The following NRDC variants were observed in gnomAD, a reference collection of about 807,000 sequenced individuals.
NRDC encodes the protein nardilysin.
In NRDC, 54 loss-of-function variants were observed where a neutral mutation model predicts 147.1. The observed-to-expected ratio is 0.37, with a 90% CI of 0.29 to 0.46. The LOEUF is 0.46. Ranked by LOEUF, NRDC falls within the 20% of genes least tolerant of loss-of-function variation. NRDC has a pLI of 1.00. For missense variants in NRDC, 1,082 were observed against 1,370.6 expected, an observed-to-expected ratio of 0.79 and a Z score of 3.33; for synonymous variants, 440 against 482.1, an observed-to-expected ratio of 0.91 and a Z score of 1.14.
rs374972423 is a variant in NRDC at position 51,841,967 on chromosome 1, G to T, written c.342-1453C>A. On this transcript the variant is annotated intron_variant, in intron 1 of 30. Coordinates refer to ENST00000352171, the MANE Select transcript of NRDC (RefSeq NM_001101662.2). Reference sequence around the variant, plus strand: ...AAATAATCACATTTGGAGCTCAGGAGTTCAAGACCAGCAGGCAACGTAGCG... The same window carrying T: ...AAATAATCACATTTGGAGCTCAGGATTTCAAGACCAGCAGGCAACGTAGCG... Among the ~76,000 whole-genome samples the T allele has an allele frequency of 3.3e-5, 5 of 152,138 alleles. No individual in the cohort carries two copies. The East Asian group carries it at 7.7e-4, about 23-fold the overall frequency.
In NRDC at chr1:51,846,422, A is replaced by G. The variant is rs528255364; in HGVS notation, c.342-5908T>C. Among the ~76,000 whole-genome samples the G allele has an allele frequency of 5.9e-5, 9 of 152,196 alleles. No individual in the cohort carries two copies. In the South Asian group the frequency reaches 6.2e-4, roughly 11 times the overall value. ...AGCCACCGTGCACAGCCGACACTTT[A>G]TAATTCTTAAAACATTTTCACTCTT... On this transcript the variant is annotated intron_variant, in intron 1 of 30. Coordinates refer to ENST00000352171, the MANE Select transcript of NRDC (RefSeq NM_001101662.2).
At chr1:51,816,261 C>A in intron 11 of NRDC, 51 bp downstream of exon 11, 1 of 1,209,968 alleles carries the variant, frequency 8.3e-7, no homozygotes, top group Non-Finnish European at 1.2e-6. Flanking sequence ...TTATTGTCTA[C>A]TATTTTTCAG....
At chr1:51,863,562 A>G (rs1682658709) in intron 1 of NRDC, among the ~76,000 whole-genome samples, 1 of 152,200 alleles carries the variant, frequency 6.6e-6, no homozygotes, top group Non-Finnish European at 1.5e-5. Context: ...CTGTGCTATA[A>G]AAAGTTAAAA....
intron 1 of NRDC, among the ~76,000 whole-genome samples, chr1:51,844,388 A>C (rs1484866804): frequency 2.0e-5 from 3 of 152,104 alleles, no homozygotes; most frequent in Admixed American, 2.0e-4. Context: ...AAAATGAAGA[A>C]ATTTGGAAAC....
chr1:51,798,092 A>T, intron 22 of NRDC, 157 bp downstream of exon 22: 1 of 643,670 alleles, frequency 1.6e-6, no homozygotes, highest in Non-Finnish European at 2.6e-6. Flanking sequence ...TCTTAAGAAG[A>T]AAGCTGCCCA....
rs376918193 is a variant in NRDC at position 51,816,777 on chromosome 1, T to C, written c.1362-388A>G. ...AAGCTTTTGGTACCACATTGGGTTC[T>C]GTGGTAAAATGAAATGTGTTGTTCA... On this transcript the variant is annotated intron_variant, in intron 10 of 30. Transcript: ENST00000352171. 2.4e-3 allele frequency among the ~76,000 whole-genome samples: 373 copies of C among 152,328 alleles called. 16 individuals carry two copies. The South Asian group carries it at 0.074, about 30-fold the overall frequency.
At chr1:51,789,990 C>T (rs1678514691) in intron 29 of NRDC, among the ~76,000 whole-genome samples, 1 of 152,206 alleles carries the variant, frequency 6.6e-6, no homozygotes. Context: ...GGAAATCTAC[C>T]TTGCTTCTAT....
At chr1:51,812,602 T>C (rs1018571819) in intron 14 of NRDC, among the ~76,000 whole-genome samples, 4 of 152,080 alleles carry the variant, frequency 2.6e-5, no homozygotes, top group Non-Finnish European at 5.9e-5. Context: ...CCTTCATGCA[T>C]CACTCTGAGC....
chr1:51,823,685 T>A lies in NRDC; in HGVS notation c.1138A>T (p.Thr380Ser), dbSNP rs748882210. ...TTACCTTTGGATTGAACCACTAAAG[T>A]CATGTAATGAGAAGAGTAGTAACGC... Reference protein sequence around the residue: ...WMRYYSSHYMTLVVQSKETLD... With the variant: ...WMRYYSSHYMSLVVQSKETLD... Residue 380 changes from threonine to serine, a missense_variant, in exon 7 of 31, where the codon ACT becomes TCT. By Grantham distance (58) the Thr-to-Ser change is moderately conservative (BLOSUM62 1). Coordinates refer to ENST00000352171, the MANE Select transcript of NRDC (RefSeq NM_001101662.2). The A allele has an allele frequency of 6.2e-7, 1 of 1,609,728 alleles. No individual in the cohort carries two copies. Among genetic ancestry groups the A allele is most frequent in the South Asian group, 1.1e-5 (1 of 90,586 alleles).
intron 1 of NRDC, among the ~76,000 whole-genome samples, chr1:51,844,688 G>A (rs2149227018): frequency 6.6e-6 from 1 of 150,490 alleles, no homozygotes; most frequent in Non-Finnish European, 1.5e-5. Context: ...AGGCTGCAGT[G>A]AGCCGAGATG....
intron 11 of NRDC, 55 bp from the exon 12 acceptor site, chr1:51,814,868 G>A: frequency 6.7e-7 from 1 of 1,487,320 alleles, no homozygotes; most frequent in Non-Finnish European, 9.0e-7. Flanking sequence ...ACAGTCTACA[G>A]ACATTCAAAT....
At chr1:51,878,236 C>A (rs780200137) in intron 1 of NRDC, 39 bp downstream of exon 1, 1 of 1,569,048 alleles carries the variant, frequency 6.4e-7, no homozygotes, top group Non-Finnish European at 8.7e-7. Context: ...GAGAAGCCGG[C>A]ACACTGTTCG....
chr1:51,859,238 T>G (rs1029395076), intron 1 of NRDC, among the ~76,000 whole-genome samples: 1 of 152,234 alleles, frequency 6.6e-6, no homozygotes, highest in Non-Finnish European at 1.5e-5. Flanking sequence ...AGCTATAATA[T>G]CTGCTTCTGT....
intron 5 of NRDC, among the ~76,000 whole-genome samples, chr1:51,825,984 C>A (rs1680427122): frequency 6.6e-6 from 1 of 152,190 alleles, no homozygotes; most frequent in Non-Finnish European, 1.5e-5. Context: ...GTAAAAGAGA[C>A]CTCAGAGTGC....
Position 51,792,254 on chromosome 1 carries a change from AC to A in NRDC, c.2823+122del. Reference sequence around the variant, plus strand: ...TTATACTGGGTGAGAACAGTAAATGACCATCTCACCTTCAAATCACAGATCT... The same window carrying A: ...TTATACTGGGTGAGAACAGTAAATGACATCTCACCTTCAAATCACAGATCT... On this transcript the variant is annotated intron_variant, in intron 25 of 30. Coordinates refer to ENST00000352171, the MANE Select transcript of NRDC (RefSeq NM_001101662.2). The A allele has an allele frequency of 6.1e-6, 8 of 1,310,582 alleles. No homozygotes were observed. The South Asian group carries it at 9.6e-5, about 16-fold the overall frequency. The allele number at this position is 1,310,582 out of a possible 1,614,324, so 81.2% of individuals were successfully genotyped here.
intron 1 of NRDC, among the ~76,000 whole-genome samples, chr1:51,848,060 T>C (rs1164621961): frequency 2.0e-5 from 3 of 152,234 alleles, no homozygotes. Flanking sequence ...ATCACGTCTA[T>C]AAATCAACAT....
intron 22 of NRDC, among the ~76,000 whole-genome samples, chr1:51,797,328 C>T (rs187804913): frequency 6.6e-6 from 1 of 152,196 alleles, no homozygotes; most frequent in Admixed American, 6.5e-5. Context: ...TTGTCTCTTC[C>T]CTCTTCTCCC....
intron 24 of NRDC, 150 bp from the exon 25 acceptor site, chr1:51,792,574 T>TG: frequency 1.4e-6 from 1 of 707,216 alleles, no homozygotes; most frequent in Admixed American, 2.3e-5. Context: ...TTTACATATC[T>TG]GCTTTCCCAC....
At position 51,814,640 on chromosome 1, in the gene NRDC, C is replaced by T. The variant is rs774062399; in HGVS notation, c.1561-31G>A. On this transcript the variant is annotated intron_variant, in intron 12 of 30. Transcript: ENST00000352171. ...AACAAAACATCCAATTAGTCTTTTG[C>T]ATAAAGTGATATCTACGTAAAAGGA... 1.4e-5 allele frequency: 23 copies of T among 1,609,136 alleles called. No homozygotes were observed. The East Asian group carries it at 5.1e-4, about 36-fold the overall frequency.
Sources: allele counts gnomAD v4.1 joint callset (sites outside exome capture counted in the v4.1 genomes callset), GRCh38; gene constraint gnomAD v4.1.1; transcripts MANE v1.5; gene names NCBI Gene and HGNC (gene_info 2026-07-23, HGNC 2026-07-21).